The following GOLGA7 variants were observed in gnomAD, a reference collection of about 807,000 sequenced individuals.
GOLGA7 encodes golgin subfamily A member 7.
Under a neutral mutation model 21.1 loss-of-function variants are expected in GOLGA7, and 10 were observed. The ratio of observed to expected loss-of-function variants is 0.47; its 90% confidence interval spans 0.29 to 0.80. GOLGA7 has a LOEUF of 0.80. Ranked by LOEUF, GOLGA7 falls within the 30% of genes least tolerant of loss-of-function variation. The pLI, the probability that GOLGA7 is intolerant of heterozygous loss-of-function variation, is 0.08. For synonymous variants in GOLGA7, 64 were observed against 62.6 expected, an observed-to-expected ratio of 1.02 and a Z score of -0.10; for missense variants, 114 against 166.8, an observed-to-expected ratio of 0.68 and a Z score of 1.74.
At chr8:41,493,270 T>C (rs1178749643) in intron 1 of GOLGA7, among the ~76,000 whole-genome samples, 2 of 152,256 alleles carry the variant, frequency 1.3e-5, no homozygotes, top group African/African-American at 4.8e-5. Context: ...TCTCTACTAC[T>C]TACCCTAGAA....
chr8:41,501,983 C>G (rs1806160885), intron 2 of GOLGA7, among the ~76,000 whole-genome samples: 2 of 152,126 alleles, frequency 1.3e-5, no homozygotes, highest in African/African-American at 4.8e-5. Flanking sequence ...AGCAAGGCCC[C>G]TTTCTTTTTA....
At chr8:41,503,905 G>A (rs549668460) in intron 2 of GOLGA7, among the ~76,000 whole-genome samples, 65 of 150,970 alleles carry the variant, frequency 4.3e-4, no homozygotes, top group African/African-American at 1.4e-3. Context: ...TCACTCATAG[G>A]TGGGAATTGA....
chr8:41,494,766 G>A (rs1231891559), intron 1 of GOLGA7, among the ~76,000 whole-genome samples: 1 of 152,154 alleles, frequency 6.6e-6, no homozygotes, highest in Non-Finnish European at 1.5e-5. Context: ...AAAATGGGTA[G>A]AGCCAACACC....
At chr8:41,496,832 G>A in intron 1 of GOLGA7, among the ~76,000 whole-genome samples, 1 of 125,336 alleles carries the variant, frequency 8.0e-6, no homozygotes, top group African/African-American at 3.1e-5. Context: ...TTTTGAGACG[G>A]AGTCTCGCTC....
intron 1 of GOLGA7, among the ~76,000 whole-genome samples, chr8:41,492,598 G>T (rs1224868955): frequency 6.6e-6 from 1 of 152,186 alleles, no homozygotes; most frequent in South Asian, 2.1e-4. Context: ...GGAGGCGGAG[G>T]TTGCAGTGAG....
chr8:41,490,673 G>A lies in GOLGA7; in HGVS notation c.-182G>A, dbSNP rs1585591032. Reference sequence around the variant, plus strand: ...GGGGGGCGCGGGGCCTGGGCCAGGCGGCAGCTAAGGCCCGCGGTGACAGCA... The same window carrying A: ...GGGGGGCGCGGGGCCTGGGCCAGGCAGCAGCTAAGGCCCGCGGTGACAGCA... On this transcript the variant is annotated 5_prime_UTR_variant, in exon 1 of 5. Coordinates refer to ENST00000357743, the MANE Select transcript of GOLGA7 (RefSeq NM_001002296.2). The A allele has an allele frequency of 1.3e-5, 7 of 548,400 alleles. No homozygotes were observed. The East Asian group carries it at 1.9e-4, about 15-fold the overall frequency. 34.0% of individuals were successfully genotyped at this position (548,400 alleles called of 1,614,324 possible).
At chr8:41,498,853 CTG>C (rs534688707) in intron 2 of GOLGA7, among the ~76,000 whole-genome samples, 9 of 152,284 alleles carry the variant, frequency 5.9e-5, no homozygotes, top group South Asian at 2.1e-4. Context: ...AAATAAATGA[CTG>C]TAAATTAATC....
chr8:41,505,961 T>C lies in GOLGA7; in HGVS notation c.315T>C (p.Tyr105=). 1.0e-5 allele frequency: 16 copies of C among 1,606,554 alleles called. No individual in the cohort carries two copies. Among genetic ancestry groups the C allele is most frequent in the East Asian group, 2.2e-5 (1 of 44,660 alleles). Residue 105 remains tyrosine (Y), a synonymous_variant, in exon 3 of 5, where the codon TAT becomes TAC. Coordinates refer to ENST00000357743, the MANE Select transcript of GOLGA7 (RefSeq NM_001002296.2). ...TTCAAGAGCAGAATGAGAAGATCTA[T>C]GCTCCACAAGGCCTCCTCCTGACAG... ...KYIQEQNEKI[Y]APQGLLLTDP...
At chr8:41,506,665 T>A (rs547840086) in intron 3 of GOLGA7, among the ~76,000 whole-genome samples, 1 of 152,186 alleles carries the variant, frequency 6.6e-6, no homozygotes, top group Non-Finnish European at 1.5e-5. Flanking sequence ...ACAATAGTTC[T>A]TAAACTTTCA....
chr8:41,496,322 C>T (rs1034181313), intron 1 of GOLGA7, among the ~76,000 whole-genome samples: 11 of 151,894 alleles, frequency 7.2e-5, no homozygotes, highest in African/African-American at 2.4e-4. Flanking sequence ...TGCATTTTGA[C>T]TGTGACCCCT....
At chr8:41,499,025 G>C (rs538833005) in intron 2 of GOLGA7, among the ~76,000 whole-genome samples, 53 of 152,346 alleles carry the variant, frequency 3.5e-4, no homozygotes, top group African/African-American at 1.3e-3. Context: ...GGCTGAAAAT[G>C]CTGTTGTATT....
upstream of GOLGA7, chr8:41,490,486 C>T (rs963555443): frequency 4.7e-6 from 1 of 211,692 alleles, no homozygotes; most frequent in South Asian, 7.0e-5. Flanking sequence ...GGTGGCTTTA[C>T]GGCCGGAGGA....
rs748918663 is a variant in GOLGA7, at chr8:41,497,679, T to C, written c.264+18T>C. ...ATGAGAAGGTAATGCTACATTTGTT[T>C]TCACAAAAATCTCTTAAAATCATGA... On this transcript the variant is annotated intron_variant, in intron 2 of 4. Coordinates refer to ENST00000357743, the MANE Select transcript of GOLGA7 (RefSeq NM_001002296.2). 5 of 1,395,094 alleles carry C rather than the reference T, an allele frequency of 3.6e-6. No homozygotes were observed. The African/African-American group carries it at 5.7e-5, about 16-fold the overall frequency. 86.4% of individuals were successfully genotyped at this position (1,395,094 alleles called of 1,614,324 possible).
At chr8:41,508,605 A>G (rs1026592134) in intron 4 of GOLGA7, among the ~76,000 whole-genome samples, 20 of 152,166 alleles carry the variant, frequency 1.3e-4, no homozygotes, top group African/African-American at 4.3e-4. Flanking sequence ...ATTTGTCATG[A>G]CTCATTTTGC....
In GOLGA7 at chr8:41,497,510, T is replaced by C. The variant is rs769276847; in HGVS notation, c.113T>C (p.Ile38Thr). The change falls in exon 2 of 5, where the codon ATT becomes ACT. Residue 38 changes from isoleucine to threonine, a missense_variant and splice_region_variant. Ile to Thr is a moderately conservative substitution (Grantham distance 89). Coordinates refer to ENST00000357743, the MANE Select transcript of GOLGA7 (RefSeq NM_001002296.2). ...TKFPAELENR[I>T]DRQQFEETVR... ...TTTTAAATATTTTCTTCTCTACAGA[T>C]TGATAGGCAGCAGTTTGAAGAAACA... 1 of 1,511,564 alleles carries C rather than the reference T, an allele frequency of 6.6e-7. No individual in the cohort carries two copies. Among genetic ancestry groups the C allele is most frequent in the Admixed American group, 1.8e-5 (1 of 54,228 alleles). 93.6% of individuals were successfully genotyped at this position (1,511,564 alleles called of 1,614,324 possible).
chr8:41,505,904 C>T lies in GOLGA7; in HGVS notation c.265-7C>T, dbSNP rs762089944. On this transcript the variant is annotated splice_polypyrimidine_tract_variant and splice_region_variant and intron_variant, in intron 2 of 4. Coordinates refer to ENST00000357743, the MANE Select transcript of GOLGA7 (RefSeq NM_001002296.2). ...TTGTAAGAAGCTGTGGTGTTTCTTT[C>T]TGTCAGGTTCTGAAGAAAGTCTCCA... 8.3e-6 allele frequency: 12 copies of T among 1,453,744 alleles called. No individual in the cohort carries two copies. Among genetic ancestry groups the T allele is most frequent in the Admixed American group, 7.4e-5 (4 of 54,170 alleles). The allele number at this position is 1,453,744 out of a possible 1,614,324, so 90.1% of individuals were successfully genotyped here.
intron 4 of GOLGA7, among the ~76,000 whole-genome samples, chr8:41,508,933 G>A (rs1380777022): frequency 1.3e-5 from 2 of 152,136 alleles, no homozygotes; most frequent in African/African-American, 2.4e-5. Flanking sequence ...CAATATGTGG[G>A]AATTAGTGAC....
intron 3 of GOLGA7, among the ~76,000 whole-genome samples, chr8:41,506,539 A>G (rs1806291443): frequency 6.6e-6 from 1 of 152,146 alleles, no homozygotes; most frequent in Non-Finnish European, 1.5e-5. Context: ...ATTGCAAAAA[A>G]CTAATTTAGC....
intron 2 of GOLGA7, among the ~76,000 whole-genome samples, chr8:41,499,342 T>C (rs1806094977): frequency 6.6e-6 from 1 of 152,178 alleles, no homozygotes; most frequent in Non-Finnish European, 1.5e-5. Context: ...TTGTGTTAGC[T>C]CAATTAGACC....
Sources: gnomAD v4.1 joint callset for allele counts (sites outside exome capture counted in the v4.1 genomes callset) on GRCh38, gnomAD v4.1.1 for gene constraint, MANE v1.5 for transcripts, NCBI Gene and HGNC (gene_info 2026-07-23, HGNC 2026-07-21) for gene names.